TRMT11: variants seen among roughly 807,000 people sequenced by gnomAD.
TRMT11 encodes tRNA (guanine(10)-N(2))-methyltransferase TRMT11.
TRMT11 carries 53 observed loss-of-function variants against 62.8 expected under a neutral mutation model. The ratio of observed to expected loss-of-function variants is 0.84; its 90% confidence interval spans 0.68 to 1.06. TRMT11 has a LOEUF of 1.06. TRMT11 is among the 50% of genes least tolerant of loss of function. The pLI is 0.00. For missense variants in TRMT11, 556 were observed against 553.4 expected (o/e 1.00, Z -0.05); for synonymous variants, 188 against 190.3 (o/e 0.99, Z 0.10).
intron 17 of TRMT11, among the ~76,000 whole-genome samples, chr6:126,101,984 G>A (rs112424046): frequency 6.6e-6 from 1 of 152,302 alleles, no homozygotes; most frequent in Non-Finnish European, 1.5e-5. Flanking sequence ...AATACCATCA[G>A]CTAACCAGAA....
chr6:126,046,809 G>A (rs748868590), intron 16 of TRMT11, among the ~76,000 whole-genome samples: 3 of 152,172 alleles, frequency 2.0e-5, no homozygotes, highest in Non-Finnish European at 4.4e-5. Context: ...TTAATGCACC[G>A]TTGTTCTTTT....
At chr6:126,106,719 A>G (rs1260575762) in intron 17 of TRMT11, among the ~76,000 whole-genome samples, 1 of 152,166 alleles carries the variant, frequency 6.6e-6, no homozygotes, top group Non-Finnish European at 1.5e-5. Flanking sequence ...TTCTTAGGGT[A>G]GAAGTGAGGA....
intron 21 of TRMT11, among the ~76,000 whole-genome samples, chr6:126,123,618 T>C (rs1328781198): frequency 3.3e-5 from 5 of 152,114 alleles, no homozygotes; most frequent in African/African-American, 1.2e-4. Flanking sequence ...CCTACCTCTA[T>C]TTGCAACATG....
intron 21 of TRMT11, among the ~76,000 whole-genome samples, chr6:126,126,178 TA>T (rs1439622575): frequency 6.6e-6 from 1 of 152,062 alleles, no homozygotes; most frequent in East Asian, 1.9e-4. Context: ...CAGTGCTATT[TA>T]AAAAAATTCC....
the TRMT11 span, among the ~76,000 whole-genome samples, chr6:126,263,416 C>T: frequency 6.6e-6 from 1 of 152,082 alleles, no homozygotes; most frequent in African/African-American, 2.4e-5. Context: ...TATCTATTTC[C>T]TCTTGTGACT....
intron 21 of TRMT11, among the ~76,000 whole-genome samples, chr6:126,153,948 A>C (rs111311465): frequency 0.026 from 4,002 of 152,238 alleles, 75 homozygotes; most frequent in South Asian, 0.04. Context: ...GGCTACTGTC[A>C]GTGAGTCATT....
intron 12 of TRMT11, among the ~76,000 whole-genome samples, chr6:126,032,898 C>A (rs1435281466): frequency 1.3e-5 from 2 of 152,132 alleles, no homozygotes; most frequent in Non-Finnish European, 2.9e-5. Context: ...AGAGTAGGAA[C>A]AGATAGTTAT....
chr6:126,235,258 G>A, the TRMT11 span, among the ~76,000 whole-genome samples: 2 of 152,154 alleles, frequency 1.3e-5, no homozygotes, highest in African/African-American at 4.8e-5. Context: ...GTTTGTGGGA[G>A]TGTAAATTAG....
chr6:126,138,064 G>A (rs1777873012), intron 21 of TRMT11, among the ~76,000 whole-genome samples: 1 of 151,818 alleles, frequency 6.6e-6, no homozygotes, highest in South Asian at 2.1e-4. Flanking sequence ...GAAAATTATA[G>A]TTAACAATAA....
At chr6:126,187,862 A>C (rs1269623486) in intron 1 of TRMT11, among the ~76,000 whole-genome samples, 1 of 148,316 alleles carries the variant, frequency 6.7e-6, no homozygotes, top group African/African-American at 2.6e-5. Context: ...GTCAGTGGGA[A>C]ATTCATTAGA....
the TRMT11 span, among the ~76,000 whole-genome samples, chr6:126,223,620 C>T: frequency 6.6e-6 from 1 of 152,140 alleles, no homozygotes; most frequent in African/African-American, 2.4e-5. Context: ...CTTGCAAAAT[C>T]TAATGACTAT....
intron 21 of TRMT11, among the ~76,000 whole-genome samples, chr6:126,165,721 C>T (rs1778250953): frequency 6.6e-6 from 1 of 152,172 alleles, no homozygotes; most frequent in South Asian, 2.1e-4. Flanking sequence ...AACATTTGCT[C>T]CTTCATTTCA....
At chr6:126,079,664 A>G (rs1934819238) in intron 17 of TRMT11, among the ~76,000 whole-genome samples, 1 of 152,110 alleles carries the variant, frequency 6.6e-6, no homozygotes, top group Non-Finnish European at 1.5e-5. Context: ...GACCCCAATG[A>G]CATGCAATCT....
chr6:126,009,194 T>C (rs1793817472), intron 8 of TRMT11: 1 of 152,544 alleles, frequency 6.6e-6, no homozygotes, highest in South Asian at 2.1e-4. Flanking sequence ...ATACATTGAC[T>C]ATATACTGGA....
At chr6:126,081,940 T>C (rs1408893536) in intron 17 of TRMT11, among the ~76,000 whole-genome samples, 3 of 152,190 alleles carry the variant, frequency 2.0e-5, no homozygotes, top group Non-Finnish European at 4.4e-5. Flanking sequence ...TGCTCTCTTC[T>C]TCAAGTAATA....
At chr6:126,013,336 A>C (rs1276275486) in intron 11 of TRMT11, among the ~76,000 whole-genome samples, 1 of 152,186 alleles carries the variant, frequency 6.6e-6, no homozygotes, top group East Asian at 1.9e-4. Context: ...GACTCACTGC[A>C]GCGTTGACCT....
At chr6:126,211,735 T>G in the TRMT11 span, among the ~76,000 whole-genome samples, 1 of 152,128 alleles carries the variant, frequency 6.6e-6, no homozygotes, top group Non-Finnish European at 1.5e-5. Flanking sequence ...TCACATCAGG[T>G]TAAGTGGGGT....
chr6:126,054,625 A>G (rs549768384), intron 17 of TRMT11, among the ~76,000 whole-genome samples: 21 of 152,208 alleles, frequency 1.4e-4, no homozygotes, highest in Non-Finnish European at 2.5e-4. Flanking sequence ...GTTTGTCCTT[A>G]TCTCCAAGGC....
the TRMT11 span, among the ~76,000 whole-genome samples, chr6:126,216,016 C>A: frequency 2.0e-5 from 3 of 152,040 alleles, no homozygotes; most frequent in African/African-American, 7.2e-5. Context: ...GTAGTTTATA[C>A]ATCACAATTA....
Sources: gnomAD v4.1 joint callset for allele counts (sites outside exome capture counted in the v4.1 genomes callset) on GRCh38, gnomAD v4.1.1 for gene constraint, MANE v1.5 for transcripts, NCBI Gene and HGNC (gene_info 2026-07-23, HGNC 2026-07-21) for gene names.